The following UBE2U variants were observed in gnomAD, a reference collection of about 807,000 sequenced individuals.
UBE2U encodes the protein ubiquitin conjugating enzyme E2 U, also known as ubiquitin-conjugating enzyme E2 U.
A neutral mutation model predicts 41.2 loss-of-function variants in UBE2U; 39 were observed. That is an observed-to-expected ratio of 0.95 (90% CI 0.73 to 1.24). The LOEUF (loss-of-function observed/expected upper bound fraction) is 1.24, where lower values mean the gene tolerates loss of function less well. Among genes scored for constraint, UBE2U ranks in the 50% most tolerant of loss-of-function variants. The pLI is 0.00. For synonymous variants in UBE2U, 107 were observed against 117.8 expected, an observed-to-expected ratio of 0.91 and a Z score of 0.60; for missense variants, 336 against 363.1, an observed-to-expected ratio of 0.93 and a Z score of 0.61.
chr1:64,226,411 A>C (rs1652869232), intron 6 of UBE2U, among the ~76,000 whole-genome samples: 1 of 152,340 alleles, frequency 6.6e-6, no homozygotes, highest in African/African-American at 2.4e-5. Flanking sequence ...GGAATAATGA[A>C]AATACTCTAC....
chr1:64,218,433 C>G (rs886904016), intron 5 of UBE2U, among the ~76,000 whole-genome samples: 1 of 152,080 alleles, frequency 6.6e-6, no homozygotes, highest in African/African-American at 2.4e-5. Flanking sequence ...TATTTTCTAT[C>G]AAAGAAATAT....
intron 8 of UBE2U, 30 bp downstream of exon 8, chr1:64,241,763 A>T (rs1232040835): frequency 6.6e-7 from 1 of 1,521,560 alleles, no homozygotes; most frequent in Non-Finnish European, 9.0e-7. Context: ...TTGAATGTGT[A>T]CATTAACTTG....
At chr1:64,239,155 AGAAAGAAGAAGAAGAAG>A (rs1557730917) in intron 7 of UBE2U, among the ~76,000 whole-genome samples, 3 of 24,162 alleles carry the variant, frequency 1.2e-4, no homozygotes, top group African/African-American at 6.5e-4. Context: ...AAGAAGAAGA[AGAAAGAAGAAGAAGAAG>A]AAGAAGAAGA....
intron 8 of UBE2U, among the ~76,000 whole-genome samples, chr1:64,254,740 T>C (rs1235962621): frequency 2.0e-5 from 3 of 151,996 alleles, no homozygotes; most frequent in Admixed American, 2.0e-4. Flanking sequence ...AACCAAGAGA[T>C]GATGTACCAG....
chr1:64,204,080 CAG>C lies in UBE2U; in HGVS notation c.34_35del (p.Asp12LeufsTer3). On this transcript the variant is annotated frameshift_variant, in exon 1 of 10. Transcript: ENST00000371077. LOFTEE classifies it high-confidence loss of function. ...ACGGCAGAGCTTACCTCTTGCTGCA[CAG>C]AGACTTCTGTGATCTCAAGGAGAAC... is the stretch of plus-strand genomic sequence containing the variant. MHGRAYLLLH[R>X]DFCDLKENNY... 6.2e-7 allele frequency: 1 copy of C among 1,613,868 alleles called. No homozygotes were observed. Among genetic ancestry groups the C allele is most frequent in the South Asian group, 1.1e-5 (1 of 91,014 alleles).
chr1:64,213,902 T>C (rs1651811988), intron 4 of UBE2U, among the ~76,000 whole-genome samples: 1 of 152,196 alleles, frequency 6.6e-6, no homozygotes, highest in Non-Finnish European at 1.5e-5. Context: ...GTTACTGTAC[T>C]AAACACTATA....
chr1:64,236,564 A>G (rs1267654336), intron 7 of UBE2U, among the ~76,000 whole-genome samples: 1 of 152,230 alleles, frequency 6.6e-6, no homozygotes, highest in Non-Finnish European at 1.5e-5. Flanking sequence ...TGGGCAACAG[A>G]GCCTTAATGA....
chr1:64,249,869 T>C (rs1456657862), intron 8 of UBE2U, among the ~76,000 whole-genome samples: 1 of 151,964 alleles, frequency 6.6e-6, no homozygotes, highest in Non-Finnish European at 1.5e-5. Flanking sequence ...TGACTGAAAA[T>C]TTTCCCAATT....
At chr1:64,249,916 A>ATCCCAAGT (rs1644980425) in intron 8 of UBE2U, among the ~76,000 whole-genome samples, 4 of 152,110 alleles carry the variant, frequency 2.6e-5, no homozygotes, top group Admixed American at 2.6e-4. Flanking sequence ...AAGAAGTTCA[A>ATCCCAAGT]TGAATCCCAA....
intron 1 of UBE2U, among the ~76,000 whole-genome samples, chr1:64,204,438 A>G (rs554575889): frequency 1.3e-5 from 2 of 152,326 alleles, no homozygotes; most frequent in South Asian, 4.1e-4. Context: ...ATACTATACA[A>G]TAAGTAGTAT....
intron 8 of UBE2U, among the ~76,000 whole-genome samples, chr1:64,250,517 A>C (rs1644989257): frequency 6.6e-6 from 1 of 152,082 alleles, no homozygotes; most frequent in Non-Finnish European, 1.5e-5. Context: ...GAAAACTACA[A>C]ATCAAGAACT....
intron 5 of UBE2U, among the ~76,000 whole-genome samples, chr1:64,215,901 G>T (rs1158351828): frequency 1.3e-5 from 2 of 152,158 alleles, no homozygotes. Context: ...GCTGAGAGCT[G>T]GGCTCCTACT....
intron 5 of UBE2U, among the ~76,000 whole-genome samples, chr1:64,219,655 C>T (rs1039908694): frequency 1.3e-4 from 19 of 150,636 alleles, no homozygotes; most frequent in South Asian, 4.2e-4. Context: ...TGCAGTGGTG[C>T]GGCAATCTGG....
In UBE2U at chr1:64,239,223, G is replaced by C. The variant is rs143128652; in HGVS notation, c.596-2429G>C. Among the ~76,000 whole-genome samples the C allele has an allele frequency of 7.9e-4, 120 of 151,618 alleles. 1 individual carries two copies. In the East Asian group the frequency reaches 0.021, roughly 26 times the overall value. ...CAGACAAGGACAAGACTGGTGGAGA[G>C]CATCTAGCTGGTTAAATAGTTCGAC... On this transcript the variant is annotated intron_variant, in intron 7 of 9. Transcript: ENST00000371077.
chr1:64,214,048 G>A (rs548184826), intron 4 of UBE2U, among the ~76,000 whole-genome samples: 1 of 152,140 alleles, frequency 6.6e-6, no homozygotes, highest in Non-Finnish European at 1.5e-5. Context: ...TATGTGGCAC[G>A]TGAGTATGTA....
intron 4 of UBE2U, among the ~76,000 whole-genome samples, chr1:64,214,604 C>T (rs1397561172): frequency 1.3e-5 from 2 of 152,120 alleles, no homozygotes; most frequent in Non-Finnish European, 2.9e-5. Context: ...GCTTTTTGAT[C>T]TATCACAGTT....
intron 3 of UBE2U, among the ~76,000 whole-genome samples, chr1:64,208,464 G>A (rs1285019535): frequency 1.3e-5 from 2 of 151,594 alleles, no homozygotes; most frequent in Admixed American, 6.6e-5. Context: ...AATTAGCTTG[G>A]CATGGTAGCA....
chr1:64,225,114 A>G (rs1035483522), intron 6 of UBE2U, among the ~76,000 whole-genome samples: 1 of 152,190 alleles, frequency 6.6e-6, no homozygotes, highest in African/African-American at 2.4e-5. Flanking sequence ...TAGAATTACT[A>G]TGAAGATTAA....
intron 1 of UBE2U, 98 bp downstream of exon 1, chr1:64,204,214 C>T (rs1651148774): frequency 9.5e-7 from 1 of 1,050,432 alleles, no homozygotes; most frequent in South Asian, 1.8e-5. Flanking sequence ...TTTAGTTAAA[C>T]CTGATTTGCC....
Sources: gnomAD v4.1 joint callset for allele counts (sites outside exome capture counted in the v4.1 genomes callset) on GRCh38, gnomAD v4.1.1 for gene constraint, MANE v1.5 for transcripts, NCBI Gene and HGNC (gene_info 2026-07-23, HGNC 2026-07-21) for gene names.